The following CACNA2D3 variants were observed in gnomAD, a reference collection of about 807,000 sequenced individuals.
CACNA2D3 encodes the protein calcium voltage-gated channel auxiliary subunit alpha2delta 3, also known as voltage-dependent calcium channel subunit alpha-2/delta-3.
CACNA2D3 carries 60 observed loss-of-function variants against 160.6 expected under a neutral mutation model. The observed-to-expected ratio is 0.37, with a 90% CI of 0.30 to 0.46. CACNA2D3 has a LOEUF of 0.46. Among genes scored for constraint, CACNA2D3 ranks in the 20% least tolerant of loss-of-function variants. CACNA2D3 has a pLI of 1.00. For missense variants in CACNA2D3, 1,205 were observed against 1,365.0 expected (o/e 0.88, Z 1.85); for synonymous variants, 558 against 492.9 (o/e 1.13, Z -1.75).
At chr3:54,478,139 C>T (rs536224691) in intron 4 of CACNA2D3, among the ~76,000 whole-genome samples, 1 of 152,008 alleles carries the variant, frequency 6.6e-6, no homozygotes, top group South Asian at 2.1e-4. Context: ...TACAAGTTTT[C>T]CATTTTCTGG....
At chr3:54,402,398 G>A (rs563269477) in intron 4 of CACNA2D3, among the ~76,000 whole-genome samples, 2 of 152,144 alleles carry the variant, frequency 1.3e-5, no homozygotes, top group East Asian at 3.9e-4. Flanking sequence ...ACCCACTTTA[G>A]CCTTAAGGAC....
chr3:54,754,721 C>T (rs1479527125), intron 12 of CACNA2D3, among the ~76,000 whole-genome samples: 1 of 152,154 alleles, frequency 6.6e-6, no homozygotes, highest in Non-Finnish European at 1.5e-5. Context: ...TTAAATGGGT[C>T]TCCTAAGCCA....
At chr3:54,802,493 G>A (rs530298170) in intron 13 of CACNA2D3, among the ~76,000 whole-genome samples, 2 of 151,982 alleles carry the variant, frequency 1.3e-5, no homozygotes, top group South Asian at 2.1e-4. Context: ...TTTTGAAGCT[G>A]AGCAAAGAGT....
chr3:54,839,511 A>C (rs1253940702), intron 16 of CACNA2D3, among the ~76,000 whole-genome samples: 1 of 152,278 alleles, frequency 6.6e-6, no homozygotes, highest in East Asian at 1.9e-4. Context: ...CTGGCTGCAC[A>C]GGGGCGAACA....
intron 5 of CACNA2D3, among the ~76,000 whole-genome samples, chr3:54,504,662 C>T (rs918758730): frequency 1.3e-5 from 2 of 152,178 alleles, no homozygotes; most frequent in African/African-American, 4.8e-5. Context: ...GCCACATTGT[C>T]TCCCATCAAG....
intron 2 of CACNA2D3, among the ~76,000 whole-genome samples, chr3:54,294,876 CAG>C (rs1213455056): frequency 6.6e-6 from 1 of 152,098 alleles, no homozygotes; most frequent in Non-Finnish European, 1.5e-5. Context: ...TTAGAGAAGT[CAG>C]GGGTTTGAAA....
intron 2 of CACNA2D3, among the ~76,000 whole-genome samples, chr3:54,229,729 C>T (rs769442405): frequency 1.3e-5 from 2 of 152,090 alleles, no homozygotes; most frequent in Non-Finnish European, 2.9e-5. Flanking sequence ...GTGACAATTC[C>T]CCAGTTATAA....
At chr3:54,324,965 C>T (rs549231685) in intron 3 of CACNA2D3, among the ~76,000 whole-genome samples, 328 of 152,212 alleles carry the variant, frequency 2.2e-3, no homozygotes, top group Non-Finnish European at 2.3e-3. Context: ...ACTCCCCTTT[C>T]TTCTGAGTTG....
intron 2 of CACNA2D3, among the ~76,000 whole-genome samples, chr3:54,309,258 G>A (rs1703675715): frequency 6.6e-6 from 1 of 152,198 alleles, no homozygotes; most frequent in African/African-American, 2.4e-5. Flanking sequence ...ACAAGGGCAC[G>A]GATGGTTGTA....
intron 27 of CACNA2D3, among the ~76,000 whole-genome samples, chr3:54,929,812 A>G (rs1262381237): frequency 6.6e-6 from 1 of 152,148 alleles, no homozygotes; most frequent in African/African-American, 2.4e-5. Flanking sequence ...AATAATTTCC[A>G]TTATTAATGG....
At chr3:54,663,972 A>G (rs1700019132) in intron 11 of CACNA2D3, among the ~76,000 whole-genome samples, 1 of 152,214 alleles carries the variant, frequency 6.6e-6, no homozygotes, top group Admixed American at 6.5e-5. Flanking sequence ...GTGGTGAGTT[A>G]GATTTTTCCA....
At chr3:54,401,536 G>A (rs6445653) in intron 4 of CACNA2D3, among the ~76,000 whole-genome samples, 55,265 of 151,962 alleles carry the variant, frequency 0.36, 10,247 homozygotes, top group East Asian at 0.43. Flanking sequence ...GGAAATCATC[G>A]TTAGAATGTC....
rs892705882 is a variant in CACNA2D3, at chr3:54,337,207, A to G, written c.321+16649A>G. On this transcript the variant is annotated intron_variant, in intron 3 of 37. Coordinates refer to ENST00000474759, the MANE Select transcript of CACNA2D3 (RefSeq NM_018398.3). ...GCAAAGGTGGAAAGATAACATTTACAGTGAACTTTTCTTAACTGCTTTCCT... is the reference window on the plus strand; with the variant it reads ...GCAAAGGTGGAAAGATAACATTTACGGTGAACTTTTCTTAACTGCTTTCCT... Among the ~76,000 whole-genome samples the G allele has an allele frequency of 7.9e-5, 12 of 152,244 alleles. 1 individual carries two copies. The highest frequency in any genetic ancestry group is 6.5e-4 in the Admixed American group (10 of 15,280).
chr3:54,805,621 G>C (rs951965821), intron 13 of CACNA2D3, among the ~76,000 whole-genome samples: 4 of 152,154 alleles, frequency 2.6e-5, no homozygotes, highest in African/African-American at 7.2e-5. Context: ...TCTACCAGAG[G>C]TACAAAGAGG....
chr3:54,923,961 A>C (rs564352282), intron 27 of CACNA2D3, among the ~76,000 whole-genome samples: 1 of 152,314 alleles, frequency 6.6e-6, no homozygotes, highest in African/African-American at 2.4e-5. Flanking sequence ...TGTTCCAATA[A>C]AACTTTATTT....
intron 9 of CACNA2D3, among the ~76,000 whole-genome samples, chr3:54,598,154 A>C (rs989705629): frequency 7.9e-5 from 12 of 151,354 alleles, no homozygotes; most frequent in Non-Finnish European, 1.0e-4. Flanking sequence ...ACAACAACAA[A>C]AAAATTAGCC....
intron 11 of CACNA2D3, among the ~76,000 whole-genome samples, chr3:54,646,155 C>T (rs1171709674): frequency 2.5e-4 from 5 of 20,012 alleles, no homozygotes; most frequent in African/African-American, 6.3e-4. Context: ...TCCTTCCCTC[C>T]CTCCCTCCCT....
chr3:54,597,293 G>A (rs893856284), intron 9 of CACNA2D3, among the ~76,000 whole-genome samples: 1 of 152,154 alleles, frequency 6.6e-6, no homozygotes, highest in Non-Finnish European at 1.5e-5. Flanking sequence ...AGCACCTTGT[G>A]AGATCTCAGC....
chr3:54,220,445 T>C (rs1047523866), intron 2 of CACNA2D3, among the ~76,000 whole-genome samples: 1 of 152,154 alleles, frequency 6.6e-6, no homozygotes, highest in African/African-American at 2.4e-5. Context: ...GAATGACAGA[T>C]GATCAGCTTA....
Sources: allele counts gnomAD v4.1 joint callset (sites outside exome capture counted in the v4.1 genomes callset), GRCh38; gene constraint gnomAD v4.1.1; transcripts MANE v1.5; gene names NCBI Gene and HGNC (gene_info 2026-07-23, HGNC 2026-07-21).